C17orf113: variants seen among roughly 807,000 people sequenced by gnomAD.
The protein encoded by C17orf113 is chromosome 17 open reading frame 113.
In C17orf113, 5 loss-of-function variants were observed where a neutral mutation model predicts 11.6. The ratio of observed to expected loss-of-function variants is 0.43; its 90% CI spans 0.23 to 0.91. The LOEUF (loss-of-function observed/expected upper bound fraction) is 0.91. Among genes scored for constraint, C17orf113 ranks in the 40% least tolerant of loss-of-function variants. C17orf113 has a pLI of 0.26. For missense variants in C17orf113, 714 were observed against 841.3 expected (o/e 0.85, Z 1.87); for synonymous variants, 327 against 390.6 (o/e 0.84, Z 1.92).
Position 42,039,722 on chromosome 17 carries a change from C to A in C17orf113, c.2011G>T (p.Gly671Trp). The change falls in exon 3 of 3, where the codon GGG becomes TGG. Residue 671 changes from glycine to tryptophan, a missense_variant. Physicochemically the swap from Gly to Trp is radical, Grantham distance 184. This residue lies in a region of C17orf113 where 194 missense variants were observed against 197.2 expected (regional missense o/e 0.98). Transcript: ENST00000587304. ...LESGWGEGFL[G>W]SQLT The stretch of plus-strand genomic sequence containing the variant: ...GGCCACCCTCAGGTGAGCTGCGACC[C>A]CAGGAAGCCCTCTCCCCACCCACTC... The A allele has an allele frequency of 8.1e-7, 1 of 1,232,524 alleles. No homozygotes were observed. The highest frequency in any genetic ancestry group is 1.0e-6 in the Non-Finnish European group (1 of 988,232). 76.3% of individuals were successfully genotyped at this position (1,232,524 alleles called of 1,614,324 possible). A position where few individuals can be genotyped will look rare whatever the true frequency, so the allele number is the denominator to read the frequency against.
At chr17:42,042,152 G>C (rs1302906089) in intron 2 of C17orf113, among the ~76,000 whole-genome samples, 1 of 152,070 alleles carries the variant, frequency 6.6e-6, no homozygotes, top group Non-Finnish European at 1.5e-5. Context: ...CAGGAGGATT[G>C]CTTGAGGCCA....
chr17:42,043,705 A>C (rs1261249435), intron 1 of C17orf113, 142 bp from the exon 2 acceptor site: 1 of 237,142 alleles, frequency 4.2e-6, no homozygotes, highest in African/African-American at 2.2e-5. Flanking sequence ...GGCTCTGGGC[A>C]GTGGGTGGAG....
In C17orf113 at chr17:42,050,243, G is replaced by A. The variant is rs1217257515; in HGVS notation, c.-188+314C>T. Among the ~76,000 whole-genome samples the A allele has an allele frequency of 2.6e-5, 4 of 152,192 alleles. No homozygotes were observed. The highest frequency in any genetic ancestry group is 9.6e-5 in the African/African-American group (4 of 41,464). On this transcript the variant is annotated intron_variant, in intron 1 of 2. Transcript: ENST00000587304. The surrounding 1 kb of genome is among the most constrained non-coding windows in gnomAD (Gnocchi z 5.6). Reference sequence around the variant, plus strand: ...CATGTGGCCCCAGAATGTGGGTCCCGAGCCTCCTCCCCGGGCTCCTGGGGG... The same window carrying A: ...CATGTGGCCCCAGAATGTGGGTCCCAAGCCTCCTCCCCGGGCTCCTGGGGG...
At chr17:42,042,228 A>T (rs2053040550) in intron 2 of C17orf113, among the ~76,000 whole-genome samples, 2 of 152,178 alleles carry the variant, frequency 1.3e-5, no homozygotes, top group Middle Eastern at 6.8e-3. Context: ...AAACCAAAAA[A>T]CAAAAAACAG....
Position 42,040,127 on chromosome 17 carries a change from G to A in C17orf113, c.1606C>T (p.His536Tyr). The change falls in exon 3 of 3, where the codon CAT becomes TAT. Residue 536 changes from histidine (H) to tyrosine (Y), a missense_variant. Transcript: ENST00000587304. Reference protein sequence around the residue: ...YPQAPEELGTHGEGALRVLLR... With the variant: ...YPQAPEELGTYGEGALRVLLR... ...AGCACCCGCAGCGCCCCCTCGCCAT[G>A]CGTGCCCAGCTCCTCCGGCGCCTGC... is the stretch of plus-strand genomic sequence containing the variant. 3 of 1,231,418 alleles carry A rather than the reference G, an allele frequency of 2.4e-6. No individual in the cohort carries two copies. Among genetic ancestry groups the A allele is most frequent in the Non-Finnish European group, 3.0e-6 (3 of 987,718 alleles). The allele number at this position is 1,231,418 out of a possible 1,614,324, so 76.3% of individuals were successfully genotyped here. A position where few individuals can be genotyped will look rare whatever the true frequency, so the allele number is the denominator to read the frequency against.
intron 1 of C17orf113, among the ~76,000 whole-genome samples, chr17:42,045,070 A>G (rs979560140): frequency 2.6e-5 from 4 of 152,292 alleles, no homozygotes; most frequent in South Asian, 4.1e-4. Context: ...GGCACCCGCC[A>G]TCACGCCCGG....
intron 2 of C17orf113, among the ~76,000 whole-genome samples, chr17:42,041,704 G>C (rs1340603131): frequency 6.6e-6 from 1 of 152,090 alleles, no homozygotes; most frequent in Non-Finnish European, 1.5e-5. Flanking sequence ...CTCCCAACCA[G>C]TCACCCTGGG....
At chr17:42,044,056 C>G (rs1183256591) in intron 1 of C17orf113, among the ~76,000 whole-genome samples, 8 of 149,780 alleles carry the variant, frequency 5.3e-5, no homozygotes, top group African/African-American at 1.2e-4. Flanking sequence ...TGGCTCACTC[C>G]TATAATCCCA....
At chr17:42,048,977 C>T (rs938030156) in intron 1 of C17orf113, among the ~76,000 whole-genome samples, 1 of 152,058 alleles carries the variant, frequency 6.6e-6, no homozygotes, top group African/African-American at 2.4e-5. Context: ...CTTTAGACCC[C>T]TCCACAACCA....
intron 1 of C17orf113, among the ~76,000 whole-genome samples, chr17:42,049,749 G>C (rs1402740415): frequency 5.9e-5 from 9 of 152,220 alleles, no homozygotes; most frequent in African/African-American, 1.9e-4. Flanking sequence ...CAAAAGGCAG[G>C]TAGGTAGAGC....
rs1430154145 is a variant in C17orf113 at position 42,038,656 on chromosome 17, C to T, written c.*1049G>A. On this transcript the variant is annotated 3_prime_UTR_variant, in exon 3 of 3. Coordinates refer to ENST00000587304, the MANE Select transcript of C17orf113 (RefSeq NM_001358661.2). ...CATCTGGGGCTTTTTTCGACCCTGTCATTGCAAAACCAAAAGTAGTCCTTT... is the reference window on the plus strand; with the variant it reads ...CATCTGGGGCTTTTTTCGACCCTGTTATTGCAAAACCAAAAGTAGTCCTTT... The T allele has an allele frequency of 6.6e-6, 1 of 151,788 alleles. No individual in the cohort carries two copies. The highest frequency in any genetic ancestry group is 1.5e-5 in the Non-Finnish European group (1 of 68,056). 9.4% of individuals were successfully genotyped at this position (151,788 alleles called of 1,614,324 possible).
chr17:42,039,736 CCCCA>C lies in C17orf113; in HGVS notation c.1993_1996del (p.Trp665GlufsTer43), dbSNP rs2052959654. 8.1e-7 allele frequency: 1 copy of C among 1,232,392 alleles called. No individual in the cohort carries two copies. The highest frequency in any genetic ancestry group is 1.0e-6 in the Non-Finnish European group (1 of 988,222). The allele number at this position is 1,232,392 out of a possible 1,614,324, so 76.3% of individuals were successfully genotyped here. ...GAGCTGCGACCCCAGGAAGCCCTCT[CCCCA>C]CCCACTCTCTAAGAACTCCACAGCC... On this transcript the variant is annotated frameshift_variant, in exon 3 of 3. Transcript: ENST00000587304. LOFTEE classifies it high-confidence loss of function.
intron 1 of C17orf113, among the ~76,000 whole-genome samples, chr17:42,047,672 G>A (rs1025112786): frequency 6.7e-6 from 1 of 150,348 alleles, no homozygotes; most frequent in Non-Finnish European, 1.5e-5. Context: ...TTTTTTTTTC[G>A]AGACAGAGTC....
At position 42,038,928 on chromosome 17, in the gene C17orf113, A is replaced by C. The variant is rs2052933052; in HGVS notation, c.*777T>G. On this transcript the variant is annotated 3_prime_UTR_variant, in exon 3 of 3. Coordinates refer to ENST00000587304, the MANE Select transcript of C17orf113 (RefSeq NM_001358661.2). ...ATCTACTCCCCAGTCATAGCTGAAGAGAAGAGACACTGCCAGGAGTGGGGC... is the reference window on the plus strand; with the variant it reads ...ATCTACTCCCCAGTCATAGCTGAAGCGAAGAGACACTGCCAGGAGTGGGGC... 6.6e-6 allele frequency: 1 copy of C among 152,268 alleles called. No homozygotes were observed. The highest frequency in any genetic ancestry group is 2.4e-5 in the African/African-American group (1 of 41,458). The allele number at this position is 152,268 out of a possible 1,614,324, so 9.4% of individuals were successfully genotyped here.
intron 2 of C17orf113, among the ~76,000 whole-genome samples, chr17:42,042,491 C>T (rs2053048143): frequency 6.6e-6 from 1 of 151,736 alleles, no homozygotes; most frequent in East Asian, 1.9e-4. Flanking sequence ...CACTGCTCTC[C>T]AGCCTGGGTG....
chr17:42,042,295 G>A (rs1304657030), intron 2 of C17orf113, among the ~76,000 whole-genome samples: 2 of 152,188 alleles, frequency 1.3e-5, no homozygotes, highest in African/African-American at 4.8e-5. Flanking sequence ...GCTGAGGTAG[G>A]CAGATCACCT....
intron 1 of C17orf113, among the ~76,000 whole-genome samples, chr17:42,045,347 G>C (rs2053136765): frequency 6.6e-6 from 1 of 152,250 alleles, no homozygotes; most frequent in African/African-American, 2.4e-5. Context: ...CACCGCGCCT[G>C]GCCTTAACTC....
intron 1 of C17orf113, among the ~76,000 whole-genome samples, chr17:42,046,644 G>C (rs1211119573): frequency 6.6e-6 from 1 of 151,812 alleles, no homozygotes; most frequent in South Asian, 2.1e-4. Flanking sequence ...ATAAAAATAC[G>C]AGAGGCCAAG....
chr17:42,040,428 AGCC>A lies in C17orf113; in HGVS notation c.1302_1304del (p.Ala437del). ...CGCGCTGAGCTTGGAGGGAGGCCGCAGCCGCCATCACCAGAGGCTGCAGCAAGG... is the reference window on the plus strand; with the variant it reads ...CGCGCTGAGCTTGGAGGGAGGCCGCAGCCATCACCAGAGGCTGCAGCAAGG... On this transcript the variant is annotated inframe_deletion, in exon 3 of 3. Transcript: ENST00000587304. The A allele has an allele frequency of 3.2e-6, 4 of 1,232,128 alleles. No homozygotes were observed. The highest frequency in any genetic ancestry group is 4.0e-6 in the Non-Finnish European group (4 of 987,976). The allele number at this position is 1,232,128 out of a possible 1,614,324, so 76.3% of individuals were successfully genotyped here. A position where few individuals can be genotyped will look rare whatever the true frequency, so the allele number is the denominator to read the frequency against.
Sources: allele counts gnomAD v4.1 joint callset (sites outside exome capture counted in the v4.1 genomes callset), GRCh38; gene constraint gnomAD v4.1.1; regional missense constraint gnomAD v4.1.1; non-coding constraint Gnocchi (gnomAD v3.1); transcripts MANE v1.5; gene names NCBI Gene and HGNC (gene_info 2026-07-23, HGNC 2026-07-21).